The following TBC1D5 variants were observed in gnomAD, a reference collection of about 807,000 sequenced individuals.
The protein encoded by TBC1D5 is TBC1 domain family, member 5.
In TBC1D5, 75 loss-of-function variants were observed where a neutral mutation model predicts 100.3. That is an observed-to-expected ratio of 0.75 (90% CI 0.62 to 0.91). TBC1D5 has a LOEUF of 0.91. Ranked by LOEUF, TBC1D5 falls within the 40% of genes least tolerant of loss-of-function variation. The pLI, the probability that TBC1D5 is intolerant of heterozygous loss-of-function variation, is 0.00. For synonymous variants in TBC1D5, 323 were observed against 325.6 expected (o/e 0.99, Z 0.09); for missense variants, 910 against 942.4 (o/e 0.97, Z 0.45).
chr3:17,471,540 T>C (rs2095372260), intron 3 of TBC1D5, among the ~76,000 whole-genome samples: 1 of 151,960 alleles, frequency 6.6e-6, no homozygotes, highest in African/African-American at 2.4e-5. Context: ...CAAATAATAA[T>C]ACTACATAAA....
At chr3:17,194,228 C>T (rs2070353365) in intron 18 of TBC1D5, among the ~76,000 whole-genome samples, 1 of 152,232 alleles carries the variant, frequency 6.6e-6, no homozygotes, top group African/African-American at 2.4e-5. Flanking sequence ...TCTAGGAAGG[C>T]TGTGAAGTAC....
chr3:17,393,455 G>C (rs7640003), intron 8 of TBC1D5, among the ~76,000 whole-genome samples: 118,563 of 152,112 alleles, frequency 0.78, 47,106 homozygotes, highest in African/African-American at 0.95. Flanking sequence ...ACTGTCTTCA[G>C]AGAATTAGAA....
intron 3 of TBC1D5, among the ~76,000 whole-genome samples, chr3:17,464,709 T>C (rs768207340): frequency 6.6e-6 from 1 of 152,208 alleles, no homozygotes; most frequent in Non-Finnish European, 1.5e-5. Flanking sequence ...AAACCATACA[T>C]GAATCATCTC....
chr3:17,387,062 C>T (rs1446048487), intron 8 of TBC1D5, among the ~76,000 whole-genome samples: 1 of 152,126 alleles, frequency 6.6e-6, no homozygotes, highest in Non-Finnish European at 1.5e-5. Context: ...AGTTTCATGG[C>T]ACTCTCTTTG....
chr3:17,673,496 T>G (rs998869312), intron 1 of TBC1D5, among the ~76,000 whole-genome samples: 4 of 105,638 alleles, frequency 3.8e-5, no homozygotes, highest in Admixed American at 1.1e-4. Context: ...TTTTTTTTTT[T>G]GCAGAGTGAG....
chr3:17,704,907 G>C, intron 1 of TBC1D5, among the ~76,000 whole-genome samples: 1 of 105,382 alleles, frequency 9.5e-6, no homozygotes, highest in South Asian at 3.9e-4. Context: ...GGACGGGGCG[G>C]CTGGCCGGGC....
intron 13 of TBC1D5, among the ~76,000 whole-genome samples, chr3:17,351,845 T>A (rs2090623507): frequency 6.6e-6 from 1 of 150,420 alleles, no homozygotes. Context: ...TAGCACTACC[T>A]CCTACCTACA....
At chr3:17,481,236 G>A (rs919285746) in intron 3 of TBC1D5, among the ~76,000 whole-genome samples, 17 of 152,200 alleles carry the variant, frequency 1.1e-4, no homozygotes, top group Non-Finnish European at 1.9e-4. Flanking sequence ...CCGCCCCACC[G>A]AAGCAGCTGA....
chr3:17,408,955 C>A, intron 4 of TBC1D5, among the ~76,000 whole-genome samples: 1 of 152,144 alleles, frequency 6.6e-6, no homozygotes. Context: ...TAAATATGTC[C>A]TATTTCCAAG....
At chr3:17,717,215 G>A (rs2075313333) in intron 1 of TBC1D5, among the ~76,000 whole-genome samples, 1 of 151,064 alleles carries the variant, frequency 6.6e-6, no homozygotes, top group African/African-American at 2.4e-5. Flanking sequence ...AATATGCCAT[G>A]AGGGTGATTT....
At chr3:17,430,215 G>A (rs1038595425) in intron 3 of TBC1D5, among the ~76,000 whole-genome samples, 1 of 151,692 alleles carries the variant, frequency 6.6e-6, no homozygotes, top group African/African-American at 2.4e-5. Flanking sequence ...GACATTTCCT[G>A]TGAAACGTTC....
At chr3:17,312,786 T>A (rs2084192905) in intron 13 of TBC1D5, among the ~76,000 whole-genome samples, 1 of 152,236 alleles carries the variant, frequency 6.6e-6, no homozygotes, top group South Asian at 2.1e-4. Context: ...TCAGAACAAC[T>A]GTAACATGCC....
In TBC1D5 at chr3:17,706,197, G is replaced by C. The variant is rs999920839; in HGVS notation, c.-101+33146C>G. The C allele has an allele frequency of 1.9e-5, 30 of 1,552,894 alleles. 1 individual carries two copies. The highest frequency in any genetic ancestry group is 1.1e-4 in the African/African-American group (8 of 73,152). On this transcript the variant is annotated intron_variant, in intron 1 of 21. Transcript: ENST00000253692. ...CAGCCGCTCGAAGGGCCTCTTCTCC[G>C]GCATCGCGGCGAGGCCCAGGCTGTG...
chr3:17,708,241 C>T (rs909150255), intron 1 of TBC1D5, among the ~76,000 whole-genome samples: 2 of 151,586 alleles, frequency 1.3e-5, no homozygotes, highest in African/African-American at 4.9e-5. Flanking sequence ...AAAGTACTTG[C>T]TTCTTTTAAT....
At chr3:17,675,799 C>T (rs1263706331) in intron 1 of TBC1D5, among the ~76,000 whole-genome samples, 1 of 152,070 alleles carries the variant, frequency 6.6e-6, no homozygotes, top group Non-Finnish European at 1.5e-5. Flanking sequence ...GTGGATATGA[C>T]ATGCTTTCAC....
chr3:17,543,840 C>A (rs2096384709), intron 2 of TBC1D5, among the ~76,000 whole-genome samples: 1 of 151,714 alleles, frequency 6.6e-6, no homozygotes, highest in African/African-American at 2.4e-5. Context: ...TTCAATAGAG[C>A]TTAAATGGGG....
intron 13 of TBC1D5, among the ~76,000 whole-genome samples, chr3:17,316,410 C>A (rs943195362): frequency 1.3e-5 from 2 of 152,102 alleles, no homozygotes; most frequent in Non-Finnish European, 2.9e-5. Context: ...AGCGTATGAG[C>A]CCTCTCTTCT....
At chr3:17,190,490 A>C (rs932023768) in intron 18 of TBC1D5, among the ~76,000 whole-genome samples, 2 of 152,206 alleles carry the variant, frequency 1.3e-5, no homozygotes, top group African/African-American at 4.8e-5. Context: ...CTAGGCAACC[A>C]GGCAGTCACT....
intron 3 of TBC1D5, among the ~76,000 whole-genome samples, chr3:17,455,215 CATAT>C (rs1402801023): frequency 1.5e-5 from 2 of 131,390 alleles, no homozygotes; most frequent in Non-Finnish European, 3.1e-5. Context: ...TATATGTATA[CATAT>C]ATATTATATA....
Sources: allele counts gnomAD v4.1 joint callset (sites outside exome capture counted in the v4.1 genomes callset), GRCh38; gene constraint gnomAD v4.1.1; transcripts MANE v1.5; gene names NCBI Gene and HGNC (gene_info 2026-07-23, HGNC 2026-07-21).